The following NVL variants were observed in gnomAD, a reference collection of about 807,000 sequenced individuals.
NVL encodes nuclear VCP like.
In NVL, 84 loss-of-function variants were observed where a neutral mutation model predicts 110.2. That is an observed-to-expected ratio of 0.76 (90% confidence interval 0.64 to 0.91). NVL has a LOEUF of 0.91. NVL is among the 40% of genes least tolerant of loss of function. The pLI is 0.00. For missense variants in NVL, 882 were observed against 1,035.9 expected (o/e 0.85, Z 2.04); for synonymous variants, 354 against 361.1 (o/e 0.98, Z 0.22).
chr1:224,318,082 A>G, intron 2 of NVL, 152 bp from the exon 3 acceptor site: 1 of 521,512 alleles, frequency 1.9e-6, no homozygotes, highest in African/African-American at 2.0e-5. Context: ...TTCTAAGTTT[A>G]TATATTTACT....
intron 6 of NVL, 92 bp from the exon 7 acceptor site, chr1:224,305,258 C>G (rs538361707): frequency 7.8e-7 from 1 of 1,276,788 alleles, no homozygotes; most frequent in Non-Finnish European, 1.1e-6. Context: ...AAAGAAAATT[C>G]ATTCCTGCCC....
chr1:224,281,178 G>C lies in NVL; in HGVS notation c.1907C>G (p.Ala636Gly), dbSNP rs1666271061. The C allele has an allele frequency of 2.5e-6, 4 of 1,613,500 alleles. No individual in the cohort carries two copies. The highest frequency in any genetic ancestry group is 1.6e-4 in the Middle Eastern group (1 of 6,062). ...TATAAAATTTAGTCCGGACTCATTTGCAACAGCCTAGCAAGAGGAAACAAA... is the reference window on the plus strand; with the variant it reads ...TATAAAATTTAGTCCGGACTCATTTCCAACAGCCTAGCAAGAGGAAACAAA... ...CGKTLLAKAV[A>G]NESGLNFISV... The change falls in exon 16 of 23, where the codon GCA becomes GGA. Residue 636 changes from alanine to glycine, a missense_variant. Ala to Gly is a moderately conservative substitution (Grantham distance 60). Coordinates refer to ENST00000281701, the MANE Select transcript of NVL (RefSeq NM_002533.4).
intron 19 of NVL, among the ~76,000 whole-genome samples, chr1:224,249,560 C>T (rs185025190): frequency 1.5e-3 from 224 of 152,190 alleles, no homozygotes; most frequent in African/African-American, 5.0e-3. Context: ...CTGGCTAACA[C>T]GGTAAAACCC....
chr1:224,290,344 A>C (rs1398256893), intron 12 of NVL, among the ~76,000 whole-genome samples: 1 of 152,224 alleles, frequency 6.6e-6, no homozygotes, highest in Non-Finnish European at 1.5e-5. Context: ...ACTGAATAAA[A>C]ACTTAAAAGC....
At chr1:224,299,832 A>G (rs1415521620) in intron 10 of NVL, among the ~76,000 whole-genome samples, 3 of 150,486 alleles carry the variant, frequency 2.0e-5, no homozygotes, top group African/African-American at 7.4e-5. Flanking sequence ...GTTATTTAAA[A>G]TGTTTTTTTT....
intron 20 of NVL, among the ~76,000 whole-genome samples, chr1:224,235,569 C>T (rs1303097281): frequency 6.6e-6 from 1 of 152,048 alleles, no homozygotes; most frequent in East Asian, 1.9e-4. Context: ...CCCCTCACCA[C>T]CCCTGCCTGA....
At chr1:224,320,188 C>T (rs758650830) in intron 2 of NVL, among the ~76,000 whole-genome samples, 6 of 151,804 alleles carry the variant, frequency 4.0e-5, no homozygotes, top group Admixed American at 1.3e-4. Context: ...ATGGTGGATT[C>T]GATAATATTA....
In NVL at chr1:224,303,804, C is replaced by T. The variant is rs1572011292; in HGVS notation, c.879G>A (p.Leu293=). The change falls in exon 9 of 23, where the codon CTG becomes CTA. Residue 293 remains leucine (L), a synonymous_variant. Coordinates refer to ENST00000281701, the MANE Select transcript of NVL (RefSeq NM_002533.4). ...GAACTCCACGAGGGGGCACGACGCC[C>T]AGGTGGTGGTACACCTCCGGGTGAC... is the stretch of plus-strand genomic sequence containing the variant. ...HMRHPEVYHH[L]GVVPPRGVLL... is the part of the protein sequence containing the mutation. The T allele has an allele frequency of 6.2e-7, 1 of 1,613,726 alleles. No individual in the cohort carries two copies. The highest frequency in any genetic ancestry group is 8.5e-7 in the Non-Finnish European group (1 of 1,179,828).
chr1:224,237,090 T>G (rs966999827), intron 19 of NVL, among the ~76,000 whole-genome samples: 3 of 152,216 alleles, frequency 2.0e-5, no homozygotes, highest in Non-Finnish European at 2.9e-5. Flanking sequence ...TTTATGCTCA[T>G]GAAGTTTGAG....
At chr1:224,253,034 T>C (rs1288145333) in intron 18 of NVL, among the ~76,000 whole-genome samples, 1 of 152,166 alleles carries the variant, frequency 6.6e-6, no homozygotes, top group Non-Finnish European at 1.5e-5. Flanking sequence ...AATTTTCTTG[T>C]ACAAGTCTTT....
Position 224,281,760 on chromosome 1 carries a change from C to T in NVL, c.1900-575G>A, listed in dbSNP as rs1453076138. 2.6e-5 allele frequency among the ~76,000 whole-genome samples: 4 copies of T among 151,124 alleles called. No individual in the cohort carries two copies. In the East Asian group the frequency reaches 6.0e-4, roughly 23 times the overall value. ...CTGAGGTCAGGAGTTTGAGACCAGCCTGACCAATATGGTGAAACCCCATCT... is the reference window on the plus strand; with the variant it reads ...CTGAGGTCAGGAGTTTGAGACCAGCTTGACCAATATGGTGAAACCCCATCT... On this transcript the variant is annotated intron_variant, in intron 15 of 22. Coordinates refer to ENST00000281701, the MANE Select transcript of NVL (RefSeq NM_002533.4).
chr1:224,301,623 G>A, intron 9 of NVL: 1 of 305,588 alleles, frequency 3.3e-6, no homozygotes, highest in Non-Finnish European at 6.4e-6. Context: ...GCAACACAGT[G>A]AGACCCCACC....
intron 18 of NVL, among the ~76,000 whole-genome samples, chr1:224,261,126 G>A (rs935780713): frequency 3.3e-5 from 5 of 151,934 alleles, no homozygotes; most frequent in Non-Finnish European, 2.9e-5. Flanking sequence ...TGCCCGCCTC[G>A]GCCTCCCGAA....
rs1344798363 is a variant in NVL at position 224,273,061 on chromosome 1, A to C, written c.2082+2278T>G. On this transcript the variant is annotated intron_variant, in intron 17 of 22. Coordinates refer to ENST00000281701, the MANE Select transcript of NVL (RefSeq NM_002533.4). ...AAAAAAACAAAAAAAACAAACAAAC[A>C]AAAAAAAACACAACAAAAACACAAG... Among the ~76,000 whole-genome samples the C allele has an allele frequency of 5.5e-4, 69 of 125,868 alleles. 1 individual carries two copies. The highest frequency in any genetic ancestry group is 2.3e-3 in the African/African-American group (67 of 29,674). 82.6% of individuals were successfully genotyped at this position (125,868 alleles called of 152,430 possible). A position where few individuals can be genotyped will look rare whatever the true frequency, so the allele number is the denominator to read the frequency against.
intron 18 of NVL, among the ~76,000 whole-genome samples, chr1:224,253,501 G>A (rs1662757431): frequency 6.6e-6 from 1 of 151,584 alleles, no homozygotes; most frequent in Admixed American, 6.6e-5. Flanking sequence ...TTGGGAGGCT[G>A]AGGCGGGAGG....
At chr1:224,278,936 C>T (rs1017048187) in intron 16 of NVL, among the ~76,000 whole-genome samples, 2 of 152,076 alleles carry the variant, frequency 1.3e-5, no homozygotes, top group Non-Finnish European at 2.9e-5. Flanking sequence ...CTATGTTGCC[C>T]ATGCTGGTCT....
At chr1:224,248,531 C>T (rs1571821109) in intron 19 of NVL, among the ~76,000 whole-genome samples, 1 of 152,144 alleles carries the variant, frequency 6.6e-6, no homozygotes, top group Non-Finnish European at 1.5e-5. Context: ...TTTTAAGTAA[C>T]GATGGCCCAG....
rs1053830445 is a variant in NVL, at chr1:224,275,344, G to A, written c.2077C>T (p.Arg693Ter). 12 of 1,613,876 alleles carry A rather than the reference G, an allele frequency of 7.4e-6. No homozygotes were observed. The highest frequency in any genetic ancestry group is 1.0e-5 in the Non-Finnish European group (12 of 1,179,972). The change falls in exon 17 of 23, where the codon CGA becomes TGA. Residue 693 changes from arginine (R) to a stop codon, truncating the protein, a stop_gained. Transcript: ENST00000281701. LOFTEE classifies it high-confidence loss of function. ...VDALCPRRSD[R>*]ETGASVRVVN... The stretch of plus-strand genomic sequence containing the variant: ...CACTAGTCCATGATACTTACCTCTC[G>A]GTCTGATCTTCGAGGACATAAAGCA...
At chr1:224,325,263 GAAAA>G (rs1166717307) in intron 2 of NVL, among the ~76,000 whole-genome samples, 2 of 134,160 alleles carry the variant, frequency 1.5e-5, no homozygotes, top group Admixed American at 7.6e-5. Flanking sequence ...CTCCGTCTCA[GAAAA>G]AAAAAAAAAG....
Sources: allele counts gnomAD v4.1 joint callset (sites outside exome capture counted in the v4.1 genomes callset), GRCh38; gene constraint gnomAD v4.1.1; transcripts MANE v1.5; gene names NCBI Gene and HGNC (gene_info 2026-07-23, HGNC 2026-07-21).